The following KLF12 variants were observed in gnomAD, a reference collection of about 807,000 sequenced individuals.
KLF12 encodes Krueppel-like factor 12.
A neutral mutation model predicts 37.8 loss-of-function variants in KLF12; 9 were observed. The ratio of observed to expected loss-of-function variants is 0.24; its 90% CI spans 0.14 to 0.42. The LOEUF is 0.42. Among genes scored for constraint, KLF12 ranks in the 10% least tolerant of loss-of-function variants. The probability of loss-of-function intolerance (pLI) is 1.00; values close to 1 mark genes in which losing one functional copy is unlikely to be tolerated. For missense variants in KLF12, 411 were observed against 516.0 expected (o/e 0.80, Z 1.97); for synonymous variants, 208 against 202.1 (o/e 1.03, Z -0.25).
intron 3 of KLF12, among the ~76,000 whole-genome samples, chr13:73,912,540 A>G (rs1349882922): frequency 2.0e-5 from 3 of 152,148 alleles, no homozygotes; most frequent in Non-Finnish European, 2.9e-5. Flanking sequence ...GGAGTGACAC[A>G]TCTACAAACT....
chr13:74,083,493 G>GACAC (rs61312097), intron 1 of KLF12, among the ~76,000 whole-genome samples: 3,254 of 136,464 alleles, frequency 0.024, 69 homozygotes, highest in African/African-American at 0.057. Flanking sequence ...GGCGATAGGA[G>GACAC]ACACACACAC....
chr13:74,269,145 A>T, the KLF12 span, among the ~76,000 whole-genome samples: 1 of 152,180 alleles, frequency 6.6e-6, no homozygotes, highest in South Asian at 2.1e-4. Flanking sequence ...ATTACCCCAG[A>T]GATAATGTTA....
chr13:74,293,141 A>C, the KLF12 span, among the ~76,000 whole-genome samples: 1 of 152,188 alleles, frequency 6.6e-6, no homozygotes, highest in Non-Finnish European at 1.5e-5. Flanking sequence ...TTTACCCATC[A>C]CATTATACGA....
chr13:73,708,432 TTCA>T (rs1170870748), intron 7 of KLF12, among the ~76,000 whole-genome samples: 1 of 152,204 alleles, frequency 6.6e-6, no homozygotes, highest in African/African-American at 2.4e-5. Flanking sequence ...TTTTAAAAAA[TTCA>T]TCATTAAATT....
chr13:74,288,184 G>A, the KLF12 span, among the ~76,000 whole-genome samples: 4 of 152,206 alleles, frequency 2.6e-5, no homozygotes, highest in African/African-American at 9.6e-5. Context: ...GGATTTGAGA[G>A]TTACCGCAAA....
At chr13:74,203,897 T>C in the KLF12 span, among the ~76,000 whole-genome samples, 3 of 152,044 alleles carry the variant, frequency 2.0e-5, no homozygotes, top group South Asian at 2.1e-4. Context: ...TTTTGAACAG[T>C]ATGTAAGCGG....
chr13:74,037,844 A>G (rs1893298443), intron 1 of KLF12, among the ~76,000 whole-genome samples: 1 of 152,192 alleles, frequency 6.6e-6, no homozygotes, highest in Non-Finnish European at 1.5e-5. Flanking sequence ...TCTCTTAATA[A>G]CAGAAACATC....
chr13:73,869,948 C>T (rs1196809923), intron 3 of KLF12, among the ~76,000 whole-genome samples: 1 of 152,162 alleles, frequency 6.6e-6, no homozygotes, highest in African/African-American at 2.4e-5. Flanking sequence ...GATTCCTTCT[C>T]GACATGGTTT....
At chr13:74,020,906 G>T (rs1455155781) in intron 1 of KLF12, among the ~76,000 whole-genome samples, 4 of 143,312 alleles carry the variant, frequency 2.8e-5, no homozygotes, top group African/African-American at 1.0e-4. Flanking sequence ...AAAAAAAAAA[G>T]ATGGAATGGG....
chr13:74,216,088 C>T, the KLF12 span, among the ~76,000 whole-genome samples: 1 of 152,252 alleles, frequency 6.6e-6, no homozygotes, highest in Admixed American at 6.5e-5. Flanking sequence ...TCTGGGATTG[C>T]CAGGCAGGCT....
the KLF12 span, among the ~76,000 whole-genome samples, chr13:74,207,621 G>A: frequency 4.6e-5 from 7 of 152,296 alleles, no homozygotes; most frequent in South Asian, 1.4e-3. Flanking sequence ...GTTGCAGTGA[G>A]CCAAGATCTC....
upstream of KLF12, among the ~76,000 whole-genome samples, chr13:74,135,663 G>A (rs1778029976): frequency 1.3e-5 from 2 of 151,884 alleles, no homozygotes; most frequent in Admixed American, 1.3e-4. Flanking sequence ...TCCTAGGTGA[G>A]CGCGGCGCTC....
chr13:74,258,874 A>G, the KLF12 span: 1 of 152,254 alleles, frequency 6.6e-6, no homozygotes, highest in Admixed American at 6.5e-5. Context: ...CAGAAAGGCT[A>G]AGAGAGTAGA....
the KLF12 span, among the ~76,000 whole-genome samples, chr13:74,164,589 T>C: frequency 6.6e-6 from 1 of 152,222 alleles, no homozygotes; most frequent in African/African-American, 2.4e-5. Flanking sequence ...TCTTTTGAAG[T>C]GTAAAAGACT....
At chr13:73,943,948 AG>A in intron 3 of KLF12, 32 bp downstream of exon 3, 1 of 1,315,076 alleles carries the variant, frequency 7.6e-7, no homozygotes, top group Non-Finnish European at 1.1e-6. Context: ...TCTCATCAAA[AG>A]GAGTGGGGCA....
the KLF12 span, among the ~76,000 whole-genome samples, chr13:74,256,657 TC>T: frequency 6.6e-6 from 1 of 150,840 alleles, no homozygotes; most frequent in African/African-American, 2.4e-5. Context: ...ATTAAGCTTT[TC>T]TTTTATTAGT....
At chr13:74,172,941 G>A in the KLF12 span, among the ~76,000 whole-genome samples, 3 of 152,068 alleles carry the variant, frequency 2.0e-5, no homozygotes, top group African/African-American at 4.8e-5. Flanking sequence ...AAGTGCCCAC[G>A]TCTACATGAA....
rs773653636 is a variant in KLF12, at chr13:74,072,364, A to AATATATATATATAT, written c.-32+61361_-32+61374dup. Among the ~76,000 whole-genome samples, 533 of 62,932 alleles carry AATATATATATATAT rather than the reference A, an allele frequency of 8.5e-3. 15 individuals are homozygous for AATATATATATATAT. Among genetic ancestry groups the AATATATATATATAT allele is most frequent in the East Asian group, 0.014 (13 of 920 alleles). 41.3% of individuals were successfully genotyped at this position (62,932 alleles called of 152,430 possible). Reference sequence around the variant, plus strand: ...ATCTTTTTAAGAATTAAGAAATACAAATATATATATATATATATATATATA... The same window carrying AATATATATATATAT: ...ATCTTTTTAAGAATTAAGAAATACAAATATATATATATATATATATATATATATATATATATATA... On this transcript the variant is annotated intron_variant, in intron 1 of 7. Transcript: ENST00000377669.
At chr13:73,889,432 A>C (rs1429811559) in intron 3 of KLF12, among the ~76,000 whole-genome samples, 1 of 152,156 alleles carries the variant, frequency 6.6e-6, no homozygotes, top group Non-Finnish European at 1.5e-5. Context: ...TAATGTCTAC[A>C]ATGTGGGAAT....
Sources: gnomAD v4.1 joint callset for allele counts (sites outside exome capture counted in the v4.1 genomes callset) on GRCh38, gnomAD v4.1.1 for gene constraint, MANE v1.5 for transcripts, NCBI Gene and HGNC (gene_info 2026-07-23, HGNC 2026-07-21) for gene names.